Variants in CCDC85A observed in about 807,000 individuals in gnomAD.
CCDC85A encodes the protein coiled-coil domain-containing protein 85A.
In CCDC85A, 38 loss-of-function variants were observed where a neutral mutation model predicts 50.2. The observed-to-expected ratio is 0.76, with a 90% CI of 0.58 to 0.99. CCDC85A has a LOEUF of 0.99. Among genes scored for constraint, CCDC85A ranks in the 50% least tolerant of loss-of-function variants. CCDC85A has a pLI of 0.00. For missense variants in CCDC85A, 820 were observed against 742.0 expected (o/e 1.11, Z -1.22); for synonymous variants, 366 against 301.4 (o/e 1.21, Z -2.22).
intron 2 of CCDC85A, among the ~76,000 whole-genome samples, chr2:56,316,243 C>T (rs985362327): frequency 2.6e-5 from 4 of 152,146 alleles, no homozygotes; most frequent in Non-Finnish European, 4.4e-5. Flanking sequence ...CAGCTTTTAA[C>T]CATTAATCTC....
In CCDC85A at chr2:56,302,115, G is replaced by T. The variant is rs1173560745; in HGVS notation, c.1241-40764G>T. On this transcript the variant is annotated intron_variant, in intron 2 of 5. Coordinates refer to ENST00000407595, the MANE Select transcript of CCDC85A (RefSeq NM_001080433.2). ...TACTAAAAATACAAAAATTACCCGG[G>T]CCTGGTGGTGGGCGCCTGTAATCCC... Among the ~76,000 whole-genome samples, 3 of 152,124 alleles carry T rather than the reference G, an allele frequency of 2.0e-5. No individual in the cohort carries two copies. In the East Asian group the frequency reaches 5.8e-4, roughly 29 times the overall value.
At chr2:56,314,996 C>A (rs1439048844) in intron 2 of CCDC85A, among the ~76,000 whole-genome samples, 3 of 152,098 alleles carry the variant, frequency 2.0e-5, no homozygotes, top group African/African-American at 7.2e-5. Flanking sequence ...AAGTCAGCCT[C>A]CCCACATCTG....
intron 1 of CCDC85A, among the ~76,000 whole-genome samples, chr2:56,189,545 C>T (rs917603392): frequency 6.6e-6 from 1 of 152,042 alleles, no homozygotes; most frequent in Non-Finnish European, 1.5e-5. Flanking sequence ...CCCACCTCGG[C>T]CTCCCAAAGT....
At chr2:56,206,274 A>G (rs1676955468) in intron 2 of CCDC85A, among the ~76,000 whole-genome samples, 1 of 152,214 alleles carries the variant, frequency 6.6e-6, no homozygotes, top group Non-Finnish European at 1.5e-5. Context: ...AAGGAAGGCT[A>G]TTAGCATTAA....
At chr2:56,277,913 A>T (rs1671032567) in intron 2 of CCDC85A, among the ~76,000 whole-genome samples, 2 of 152,232 alleles carry the variant, frequency 1.3e-5, no homozygotes, top group Admixed American at 1.3e-4. Flanking sequence ...GAAGGGACGT[A>T]TTGGACCAAC....
At chr2:56,200,569 G>A (rs1360847682) in intron 2 of CCDC85A, among the ~76,000 whole-genome samples, 1 of 152,114 alleles carries the variant, frequency 6.6e-6, no homozygotes, top group Non-Finnish European at 1.5e-5. Context: ...TTAGAGTGCC[G>A]TTCAAGTGTT....
intron 2 of CCDC85A, among the ~76,000 whole-genome samples, chr2:56,297,842 T>C (rs1672025043): frequency 6.6e-6 from 1 of 151,898 alleles, no homozygotes; most frequent in Non-Finnish European, 1.5e-5. Context: ...ATTTGGCAGA[T>C]GGTTAGCTGG....
chr2:56,304,915 AAAACAAAC>A (rs149177609), intron 2 of CCDC85A, among the ~76,000 whole-genome samples: 19 of 148,994 alleles, frequency 1.3e-4, no homozygotes, highest in African/African-American at 2.0e-4. Context: ...CAAAAAACAA[AAAACAAAC>A]AAACAAACAA....
Position 56,192,789 on chromosome 2 carries a change from A to G in CCDC85A, c.589A>G (p.Thr197Ala). 1 of 1,613,098 alleles carries G rather than the reference A, an allele frequency of 6.2e-7. No individual in the cohort carries two copies. Among genetic ancestry groups the G allele is most frequent in the Non-Finnish European group, 8.5e-7 (1 of 1,179,496 alleles). Reference sequence around the variant, plus strand: ...CAGCCAGGCCAGCCTGTGCCAACTCACAGCCTCCACCGCACCCTACGTGCG... The same window carrying G: ...CAGCCAGGCCAGCCTGTGCCAACTCGCAGCCTCCACCGCACCCTACGTGCG... Reference protein sequence around the residue: ...IDSQASLCQLTASTAPYVRDV... With the variant: ...IDSQASLCQLAASTAPYVRDV... Residue 197 changes from threonine (T) to alanine (A), a missense_variant, in exon 2 of 6, where the codon ACA (threonine) becomes GCA (alanine). By Grantham distance (58) the Thr-to-Ala change is moderately conservative. Transcript: ENST00000407595. The surrounding 1 kb of genome is among the most constrained non-coding windows in gnomAD (Gnocchi z 4.7).
chr2:56,287,574 G>A (rs760873574), intron 2 of CCDC85A, among the ~76,000 whole-genome samples: 1 of 152,140 alleles, frequency 6.6e-6, no homozygotes, highest in Non-Finnish European at 1.5e-5. Context: ...ATGATCTGAA[G>A]TTGAAGTCAC....
intron 2 of CCDC85A, among the ~76,000 whole-genome samples, chr2:56,267,842 C>T (rs968624143): frequency 6.6e-6 from 1 of 152,124 alleles, no homozygotes; most frequent in African/African-American, 2.4e-5. Flanking sequence ...GAAATTTCTC[C>T]TTGAACCCAG....
chr2:56,379,496 C>G (rs960911774), intron 5 of CCDC85A, among the ~76,000 whole-genome samples: 8 of 152,138 alleles, frequency 5.3e-5, no homozygotes, highest in African/African-American at 1.9e-4. Context: ...ATTTTAGACA[C>G]TAATGAATTC....
At chr2:56,383,260 C>G (rs764328838) in intron 5 of CCDC85A, among the ~76,000 whole-genome samples, 1 of 151,970 alleles carries the variant, frequency 6.6e-6, no homozygotes, top group Non-Finnish European at 1.5e-5. Flanking sequence ...ACAAAAGAAA[C>G]AGTTTATGAA....
intron 2 of CCDC85A, among the ~76,000 whole-genome samples, chr2:56,278,263 T>C (rs1023170654): frequency 6.6e-6 from 1 of 152,172 alleles, no homozygotes; most frequent in Non-Finnish European, 1.5e-5. Context: ...TCCTCATAAA[T>C]GAACTGGACT....
At chr2:56,355,776 A>T (rs910704923) in intron 3 of CCDC85A, among the ~76,000 whole-genome samples, 2 of 152,244 alleles carry the variant, frequency 1.3e-5, no homozygotes, top group African/African-American at 2.4e-5. Context: ...AATCTGACTT[A>T]AATGTAGTAT....
intron 2 of CCDC85A, among the ~76,000 whole-genome samples, chr2:56,201,121 C>T (rs1431048823): frequency 7.0e-6 from 1 of 143,168 alleles, no homozygotes; most frequent in East Asian, 2.0e-4. Context: ...CACACACACA[C>T]ACACGTACAT....
At chr2:56,221,461 T>C (rs1668326193) in intron 2 of CCDC85A, among the ~76,000 whole-genome samples, 2 of 152,048 alleles carry the variant, frequency 1.3e-5, no homozygotes, top group Admixed American at 1.3e-4. Context: ...GTTTGCACAC[T>C]TGTCTCCTGA....
At chr2:56,263,774 A>G (rs899708376) in intron 2 of CCDC85A, among the ~76,000 whole-genome samples, 3 of 152,238 alleles carry the variant, frequency 2.0e-5, no homozygotes, top group Non-Finnish European at 4.4e-5. Context: ...TAATTTATGC[A>G]GGATTCCTTC....
At chr2:56,267,337 T>C (rs557656290) in intron 2 of CCDC85A, among the ~76,000 whole-genome samples, 8 of 152,302 alleles carry the variant, frequency 5.3e-5, no homozygotes, top group Admixed American at 2.6e-4. Context: ...TCCTTTTTTT[T>C]CCCAACACGA....
Sources: gnomAD v4.1 joint callset for allele counts (sites outside exome capture counted in the v4.1 genomes callset) on GRCh38, gnomAD v4.1.1 for gene constraint, Gnocchi (gnomAD v3.1) non-coding constraint, MANE v1.5 for transcripts, NCBI Gene and HGNC (gene_info 2026-07-23, HGNC 2026-07-21) for gene names.